Variants in CALN1 observed in about 807,000 individuals in gnomAD.
CALN1 encodes calcium-binding protein 8.
In CALN1, 17 loss-of-function variants were observed where a neutral mutation model predicts 30.6. The observed-to-expected ratio is 0.56, with a 90% CI of 0.38 to 0.83. The LOEUF (loss-of-function observed/expected upper bound fraction) is 0.83. Among genes scored for constraint, CALN1 ranks in the 40% least tolerant of loss-of-function variants. CALN1 has a pLI of 0.00. For synonymous variants in CALN1, 156 were observed against 131.4 expected, an observed-to-expected ratio of 1.19 and a Z score of -1.28; for missense variants, 291 against 354.9, an observed-to-expected ratio of 0.82 and a Z score of 1.45.
chr7:72,002,757 C>T (rs967525765), intron 5 of CALN1, among the ~76,000 whole-genome samples: 1 of 152,198 alleles, frequency 6.6e-6, no homozygotes. Flanking sequence ...TCATCTCTGA[C>T]AATATGGATG....
chr7:72,275,552 C>T (rs75099598), intron 3 of CALN1, among the ~76,000 whole-genome samples: 5,712 of 152,254 alleles, frequency 0.038, 146 homozygotes, highest in African/African-American at 0.074. Flanking sequence ...TAGAACGAAT[C>T]TTCTGTCAGA....
At chr7:72,286,426 G>T (rs771365637) in intron 2 of CALN1, among the ~76,000 whole-genome samples, 14 of 152,182 alleles carry the variant, frequency 9.2e-5, no homozygotes, top group South Asian at 2.1e-4. Flanking sequence ...ACAGGTGTTG[G>T]TGAGAAGGAT....
chr7:72,201,206 A>T (rs200257166), intron 3 of CALN1, among the ~76,000 whole-genome samples: 1 of 152,222 alleles, frequency 6.6e-6, no homozygotes, highest in Non-Finnish European at 1.5e-5. Context: ...ATTCTCACTT[A>T]TAAGTAAGAA....
At chr7:72,149,375 G>A (rs938340228) in intron 3 of CALN1, among the ~76,000 whole-genome samples, 1 of 152,068 alleles carries the variant, frequency 6.6e-6, no homozygotes, top group Non-Finnish European at 1.5e-5. Context: ...AGCTGAGGCA[G>A]GAGTATCATT....
the CALN1 span, among the ~76,000 whole-genome samples, chr7:72,488,629 G>A: frequency 6.6e-6 from 1 of 152,068 alleles, no homozygotes; most frequent in Admixed American, 6.6e-5. Flanking sequence ...GATATCTGAT[G>A]TGTCTCCTGT....
At position 72,114,724 on chromosome 7, in the gene CALN1, C is replaced by T. The variant is rs182096572; in HGVS notation, c.245-8430G>A. ...AAAAGGAGGCTGGGGCTAGGCATGG[C>T]GGCTCATGCCTGTAATCCCCACACT... On this transcript the variant is annotated intron_variant, in intron 3 of 6. Transcript: ENST00000395275. Among the ~76,000 whole-genome samples the T allele has an allele frequency of 7.0e-4, 106 of 151,604 alleles. No homozygotes were observed. In the East Asian group the frequency reaches 0.014, roughly 20 times the overall value.
intron 1 of CALN1, among the ~76,000 whole-genome samples, chr7:72,439,609 G>A (rs994865686): frequency 6.9e-6 from 1 of 145,208 alleles, no homozygotes. Flanking sequence ...ATGGAGTCTC[G>A]CTTTGTCGCC....
At chr7:72,504,065 T>C in the CALN1 span, among the ~76,000 whole-genome samples, 2 of 152,170 alleles carry the variant, frequency 1.3e-5, no homozygotes, top group African/African-American at 4.8e-5. Flanking sequence ...AACTGCTCTA[T>C]CCCGACTTTC....
At position 72,217,930 on chromosome 7, in the gene CALN1, C is replaced by A. The variant is rs549957101; in HGVS notation, c.244+60756G>T. 4.7e-5 allele frequency among the ~76,000 whole-genome samples: 7 copies of A among 148,680 alleles called. No homozygotes were observed. The East Asian group carries it at 1.4e-3, about 30-fold the overall frequency. On this transcript the variant is annotated intron_variant, in intron 3 of 6. Coordinates refer to ENST00000395275, the MANE Select transcript of CALN1 (RefSeq NM_031468.4). ...CTATCTCGGCTCACTGCAAGCTCCA[C>A]CTCCCAGCTTCACGCCATTCTCCTG...
rs569708477 is a variant in CALN1 at position 71,985,979 on chromosome 7, G to C, written c.501+37678C>G. Among the ~76,000 whole-genome samples the C allele has an allele frequency of 1.6e-4, 25 of 152,150 alleles. 1 individual carries two copies. Among genetic ancestry groups the C allele is most frequent in the African/African-American group, 6.0e-4 (25 of 41,534 alleles). On this transcript the variant is annotated intron_variant, in intron 5 of 6. Coordinates refer to ENST00000395275, the MANE Select transcript of CALN1 (RefSeq NM_031468.4). ...TCCATGGTATGAGACTGGATGTATTGATGATGGTATAATGAAATATTCTGC... is the reference window on the plus strand; with the variant it reads ...TCCATGGTATGAGACTGGATGTATTCATGATGGTATAATGAAATATTCTGC...
intron 5 of CALN1, among the ~76,000 whole-genome samples, chr7:71,816,690 C>T (rs935319025): frequency 6.6e-6 from 1 of 152,152 alleles, no homozygotes; most frequent in Non-Finnish European, 1.5e-5. Flanking sequence ...TGGCTTATGC[C>T]TGTAATCCCA....
rs1183624121 is a variant in CALN1 at position 72,278,672 on chromosome 7, G to T, written c.244+14C>A. 1 of 1,610,724 alleles carries T rather than the reference G, an allele frequency of 6.2e-7. No homozygotes were observed. The highest frequency in any genetic ancestry group is 1.7e-5 in the Admixed American group (1 of 59,974). On this transcript the variant is annotated intron_variant, in intron 3 of 6. Coordinates refer to ENST00000395275, the MANE Select transcript of CALN1 (RefSeq NM_031468.4). ...GGAGGGGGGCCATCCCCCCAAACAG[G>T]GTAGGCTCCTTACCATCGAGCTCCT...
intron 3 of CALN1, among the ~76,000 whole-genome samples, chr7:72,232,152 C>A (rs938615948): frequency 6.6e-6 from 1 of 152,168 alleles, no homozygotes; most frequent in Non-Finnish European, 1.5e-5. Context: ...GAAACTGCCT[C>A]AGCAGGGGGA....
At chr7:71,918,372 G>T (rs1165092935) in intron 5 of CALN1, among the ~76,000 whole-genome samples, 1 of 152,176 alleles carries the variant, frequency 6.6e-6, no homozygotes, top group Non-Finnish European at 1.5e-5. Flanking sequence ...ATAATGAGCT[G>T]ATCTAAGACT....
intron 6 of CALN1, among the ~76,000 whole-genome samples, chr7:71,799,983 A>G (rs1483848910): frequency 2.6e-5 from 4 of 152,222 alleles, no homozygotes; most frequent in Admixed American, 6.5e-5. Flanking sequence ...GTCACAGCAC[A>G]GGAGAACTGC....
intron 2 of CALN1, among the ~76,000 whole-genome samples, chr7:72,281,161 C>T (rs1797713045): frequency 6.6e-6 from 1 of 151,924 alleles, no homozygotes; most frequent in African/African-American, 2.4e-5. Flanking sequence ...TGAATTCAGC[C>T]CCTTTCCCTT....
intron 3 of CALN1, among the ~76,000 whole-genome samples, chr7:72,110,923 G>C (rs1001052932): frequency 6.6e-6 from 1 of 152,094 alleles, no homozygotes; most frequent in Non-Finnish European, 1.5e-5. Flanking sequence ...GGCTCTAGGA[G>C]GACGGCTCCC....
chr7:72,009,978 G>A (rs759054862), intron 5 of CALN1, among the ~76,000 whole-genome samples: 4 of 152,098 alleles, frequency 2.6e-5, no homozygotes, highest in Admixed American at 6.6e-5. Flanking sequence ...CACCCTTACT[G>A]TTTATTAGTA....
At chr7:71,804,793 C>T (rs1037641816) in intron 6 of CALN1, among the ~76,000 whole-genome samples, 20 of 152,124 alleles carry the variant, frequency 1.3e-4, no homozygotes, top group Admixed American at 2.6e-4. Flanking sequence ...AAAACCCTGT[C>T]TCTACTAAAA....
Sources: allele counts gnomAD v4.1 joint callset (sites outside exome capture counted in the v4.1 genomes callset), GRCh38; gene constraint gnomAD v4.1.1; transcripts MANE v1.5; gene names NCBI Gene and HGNC (gene_info 2026-07-23, HGNC 2026-07-21).